Variants in CCDC191 observed in about 807,000 individuals in gnomAD.
CCDC191 encodes the protein coiled-coil domain containing 191, also known as coiled-coil domain-containing protein 191.
CCDC191 carries 99 observed loss-of-function variants against 114.0 expected under a neutral mutation model. The ratio of observed to expected loss-of-function variants is 0.87; its 90% CI spans 0.74 to 1.03. CCDC191 has a LOEUF of 1.03. CCDC191 is among the 50% of genes least tolerant of loss of function. The pLI, the probability that CCDC191 is intolerant of heterozygous loss-of-function variation, is 0.00. For synonymous variants in CCDC191, 351 were observed against 376.0 expected (o/e 0.93, Z 0.77); for missense variants, 973 against 1,087.0 (o/e 0.90, Z 1.47).
chr3:114,033,214 C>T (rs1246630073), intron 6 of CCDC191, among the ~76,000 whole-genome samples: 1 of 152,006 alleles, frequency 6.6e-6, no homozygotes, highest in Non-Finnish European at 1.5e-5. Context: ...TCTCCTGCCT[C>T]AGCCTCCCGA....
At chr3:114,026,177 T>C (rs563325391) in intron 7 of CCDC191, among the ~76,000 whole-genome samples, 1 of 152,332 alleles carries the variant, frequency 6.6e-6, no homozygotes, top group South Asian at 2.1e-4. Flanking sequence ...AACTTTGAAA[T>C]GCAAAACACT....
chr3:114,040,739 C>T (rs2076548938), intron 4 of CCDC191, among the ~76,000 whole-genome samples: 1 of 152,042 alleles, frequency 6.6e-6, no homozygotes, highest in African/African-American at 2.4e-5. Context: ...CCAATCTCTG[C>T]ATTTGGACTG....
chr3:114,045,780 C>T (rs1388066960), intron 3 of CCDC191, among the ~76,000 whole-genome samples: 1 of 152,162 alleles, frequency 6.6e-6, no homozygotes, highest in African/African-American at 2.4e-5. Context: ...CTGGATGCTT[C>T]CCCCATCACA....
chr3:114,003,905 T>C (rs980544743), intron 11 of CCDC191: 1 of 985,360 alleles, frequency 1.0e-6, no homozygotes, highest in Non-Finnish European at 1.2e-6. Flanking sequence ...ACTAAGCATA[T>C]AGTAAAAACA....
At chr3:114,039,059 C>CA (rs887706344) in intron 4 of CCDC191, among the ~76,000 whole-genome samples, 2 of 151,880 alleles carry the variant, frequency 1.3e-5, no homozygotes, top group Non-Finnish European at 2.9e-5. Flanking sequence ...AAAGCACCCT[C>CA]AAAAAATCTT....
rs1195381401 is a variant in CCDC191, at chr3:114,035,159, A to G, written c.595-11T>C. The G allele has an allele frequency of 1.3e-6, 2 of 1,592,888 alleles. No homozygotes were observed. The highest frequency in any genetic ancestry group is 1.3e-5 in the African/African-American group (1 of 74,214). On this transcript the variant is annotated splice_polypyrimidine_tract_variant and intron_variant, in intron 5 of 16. Transcript: ENST00000295878. ...GCGATTTTCTTTTACCTTAAAGCAA[A>G]TATAATAAAGATGAAGTGTGGCCTT... is the stretch of plus-strand genomic sequence containing the variant.
rs751388166 is a variant in CCDC191 at position 114,018,806 on chromosome 3, CCCCAGCTTAAT to C, written c.1024_1034del (p.Ile342GlufsTer7). On this transcript the variant is annotated frameshift_variant, in exon 8 of 17. Transcript: ENST00000295878. LOFTEE classifies it high-confidence loss of function. ...TCCAGTCAGACAGGGTCCCAGCTTT[CCCCAGCTTAAT>C]CCTATGATCAAGAATCAGCTTGTGC... 5 of 1,613,866 alleles carry C rather than the reference CCCCAGCTTAAT, an allele frequency of 3.1e-6. No individual in the cohort carries two copies. Among genetic ancestry groups the C allele is most frequent in the Non-Finnish European group, 4.2e-6 (5 of 1,179,862 alleles).
Position 114,046,594 on chromosome 3 carries a change from C to T in CCDC191, c.268G>A (p.Glu90Lys). 1 of 1,563,052 alleles carries T rather than the reference C, an allele frequency of 6.4e-7. No homozygotes were observed. The highest frequency in any genetic ancestry group is 8.8e-7 in the Non-Finnish European group (1 of 1,133,598). ...AGCAGAAAATGCATTCTCTTACCTT[C>T]TGCATAGATTTCATCATGATCCTCT... ...QIEDHDEIYAEAQELVNDWLD... is the reference protein window; with the variant it reads ...QIEDHDEIYAKAQELVNDWLD... Residue 90 changes from glutamate to lysine, a missense_variant, in exon 3 of 17, where the codon GAA (glutamate) becomes AAA (lysine). Glu to Lys is a moderately conservative substitution (Grantham distance 56). Transcript: ENST00000295878.
At chr3:113,975,948 A>G (rs1019709611) in intron 16 of CCDC191, among the ~76,000 whole-genome samples, 3 of 152,192 alleles carry the variant, frequency 2.0e-5, no homozygotes, top group African/African-American at 7.2e-5. Context: ...TAGGATGACT[A>G]TCTTACTATT....
In CCDC191 at chr3:113,967,673, A is replaced by T. The variant is rs532558420; in HGVS notation, c.2607-2314T>A. On this transcript the variant is annotated intron_variant, in intron 16 of 16. Coordinates refer to ENST00000295878, the MANE Select transcript of CCDC191 (RefSeq NM_020817.2). The stretch of plus-strand genomic sequence containing the variant: ...GTTATTCTCTTCTGGTTATTTTGAA[A>T]TGCACAATAGGTTATTATTAACTAT... 5.3e-4 allele frequency among the ~76,000 whole-genome samples: 81 copies of T among 152,300 alleles called. 1 individual carries two copies. Among genetic ancestry groups the T allele is most frequent in the African/African-American group, 1.8e-3 (74 of 41,554 alleles).
At position 114,042,801 on chromosome 3, in the gene CCDC191, TCTTG is replaced by T. The variant is rs750529614; in HGVS notation, c.313_316del (p.Gln105AsnfsTer2). The T allele has an allele frequency of 1.4e-5, 22 of 1,601,858 alleles. No homozygotes were observed. Among genetic ancestry groups the T allele is most frequent in the Admixed American group, 1.7e-5 (1 of 57,268 alleles). On this transcript the variant is annotated frameshift_variant, in exon 4 of 17. Transcript: ENST00000295878. LOFTEE classifies it high-confidence loss of function. ...ATCACCTTCTTCCTCACTTGCTAAT[TCTTG>T]CTTAAGTTTGGTGTCTAACCAGTCA... is the stretch of plus-strand genomic sequence containing the variant.
In CCDC191 at chr3:114,001,647, T is replaced by A. The variant is rs1442071723; in HGVS notation, c.2111A>T (p.Glu704Val). The change falls in exon 13 of 17, where the codon GAA (glutamate) becomes GTA (valine). Residue 704 changes from glutamate (E) to valine (V), a missense_variant. Coordinates refer to ENST00000295878, the MANE Select transcript of CCDC191 (RefSeq NM_020817.2). ...TTTTCTTTCAAGCTGTGCCTCCTTT[T>A]CTTCTGCCTCCCTTTTCTGACGTTC... ...EEERQKREAE[E>V]KEAQLERKRE... 1 of 1,613,856 alleles carries A rather than the reference T, an allele frequency of 6.2e-7. No individual in the cohort carries two copies. Among genetic ancestry groups the A allele is most frequent in the East Asian group, 2.2e-5 (1 of 44,892 alleles).
chr3:114,015,171 C>T (rs961042828), intron 8 of CCDC191, among the ~76,000 whole-genome samples: 8 of 151,832 alleles, frequency 5.3e-5, no homozygotes, highest in Non-Finnish European at 1.0e-4. Flanking sequence ...AAAAATGTCC[C>T]GGGAGGGATA....
At chr3:114,046,541 GT>G (rs1242168019) in intron 3 of CCDC191, 49 bp downstream of exon 3, 1 of 1,127,442 alleles carries the variant, frequency 8.9e-7, no homozygotes, top group Non-Finnish European at 1.4e-6. Context: ...TGCATCATGG[GT>G]TATGCTTTAA....
At chr3:114,015,404 A>C (rs541267842) in intron 8 of CCDC191, among the ~76,000 whole-genome samples, 1 of 152,276 alleles carries the variant, frequency 6.6e-6, no homozygotes, top group Non-Finnish European at 1.5e-5. Flanking sequence ...TTTTTCTAAA[A>C]TTTTTATTTT....
intron 9 of CCDC191, among the ~76,000 whole-genome samples, chr3:114,008,573 T>C (rs2076013802): frequency 6.6e-6 from 1 of 151,964 alleles, no homozygotes; most frequent in Non-Finnish European, 1.5e-5. Context: ...AGAGCAGTGA[T>C]AAAAGAAGAA....
At chr3:114,039,082 CA>C (rs1354708190) in intron 4 of CCDC191, among the ~76,000 whole-genome samples, 1 of 150,734 alleles carries the variant, frequency 6.6e-6, no homozygotes, top group South Asian at 2.1e-4. Context: ...GAATACTATG[CA>C]AAAAAAAGTG....
chr3:114,029,622 G>A (rs1392903316), intron 7 of CCDC191, among the ~76,000 whole-genome samples: 1 of 152,130 alleles, frequency 6.6e-6, no homozygotes, highest in African/African-American at 2.4e-5. Context: ...GAAAGACAAG[G>A]AGAAGGAAAA....
intron 9 of CCDC191, among the ~76,000 whole-genome samples, chr3:114,010,070 T>C (rs2076042781): frequency 6.6e-6 from 1 of 152,130 alleles, no homozygotes; most frequent in Admixed American, 6.6e-5. Flanking sequence ...CAGAAGTGTA[T>C]GTAATGACAG....
Sources: gnomAD v4.1 joint callset for allele counts (sites outside exome capture counted in the v4.1 genomes callset) on GRCh38, gnomAD v4.1.1 for gene constraint, MANE v1.5 for transcripts, NCBI Gene and HGNC (gene_info 2026-07-23, HGNC 2026-07-21) for gene names.